Variants in ERMARD observed in about 807,000 individuals in gnomAD.
The protein encoded by ERMARD is ER membrane associated RNA degradation, also known as endoplasmic reticulum membrane-associated RNA degradation protein.
ERMARD carries 71 observed loss-of-function variants against 83.9 expected under a neutral mutation model. The observed-to-expected ratio is 0.85, with a 90% confidence interval of 0.70 to 1.03. ERMARD has a LOEUF of 1.03. Among genes scored for constraint, ERMARD ranks in the 50% least tolerant of loss-of-function variants. The probability of loss-of-function intolerance (pLI) is 0.00; values close to 1 mark genes in which losing one functional copy is unlikely to be tolerated. For synonymous variants in ERMARD, 284 were observed against 298.6 expected, an observed-to-expected ratio of 0.95 and a Z score of 0.50; for missense variants, 838 against 810.9, an observed-to-expected ratio of 1.03 and a Z score of -0.41.
upstream of ERMARD, chr6:169,751,330 C>T: frequency 6.2e-7 from 1 of 1,613,120 alleles, no homozygotes; most frequent in South Asian, 1.1e-5. Context: ...TAGCAGTCTC[C>T]GCACTCACTG....
At chr6:169,754,103 C>T in intron 2 of ERMARD, 71 bp downstream of exon 2, 1 of 1,419,682 alleles carries the variant, frequency 7.0e-7, no homozygotes, top group Non-Finnish European at 9.5e-7. Flanking sequence ...GTAAAATTCC[C>T]CTTTCTGACC....
chr6:169,764,446 T>C (rs570630314), intron 9 of ERMARD, among the ~76,000 whole-genome samples: 24 of 152,014 alleles, frequency 1.6e-4, no homozygotes, highest in South Asian at 4.2e-4. Flanking sequence ...ACATTTTTTT[T>C]TTCCTTGTAG....
Position 169,776,503 on chromosome 6 carries a change from G to C in ERMARD, c.1569G>C (p.Leu523=), listed in dbSNP as rs762048103. Reference sequence around the variant, plus strand: ...TCTGCAGCACACCTGTTCCCACCCTGTTCTGCCCCAGGATTGTGCTGGAAG... The same window carrying C: ...TCTGCAGCACACCTGTTCCCACCCTCTTCTGCCCCAGGATTGTGCTGGAAG... ...RELCSTPVPT[L]FCPRIVLEVL... is the part of the protein sequence containing the mutation. Residue 523 remains leucine (L), a synonymous_variant, in exon 16 of 18, where the codon CTG becomes CTC. Coordinates refer to ENST00000366773, the MANE Select transcript of ERMARD (RefSeq NM_018341.3). The C allele has an allele frequency of 1.2e-6, 2 of 1,614,152 alleles. No homozygotes were observed. Among genetic ancestry groups the C allele is most frequent in the Non-Finnish European group, 1.7e-6 (2 of 1,180,028 alleles).
chr6:169,751,349 T>C (rs757968829), upstream of ERMARD: 7 of 1,613,950 alleles, frequency 4.3e-6, no homozygotes, highest in South Asian at 7.7e-5. Context: ...TGCCTCCTTC[T>C]CGAACATGCT....
chr6:169,769,342 G>T (rs1792605259), intron 11 of ERMARD, among the ~76,000 whole-genome samples, 198 bp from the exon 12 acceptor site: 1 of 152,184 alleles, frequency 6.6e-6, no homozygotes, highest in South Asian at 2.1e-4. Flanking sequence ...TACCACCTGG[G>T]CAGCTCTGCT....
At position 169,764,557 on chromosome 6, in the gene ERMARD, C is replaced by A. The variant is rs1229418408; in HGVS notation, c.960+2026C>A. Among the ~76,000 whole-genome samples the A allele has an allele frequency of 3.9e-5, 6 of 152,258 alleles. No homozygotes were observed. In the East Asian group the frequency reaches 9.7e-4, roughly 24 times the overall value. On this transcript the variant is annotated intron_variant, in intron 9 of 17. Transcript: ENST00000366773. ...AAAGTTTTGGGATTGCAGGTGTGAG[C>A]CACCATACGTGGCCCCACTGATTAT...
chr6:169,763,768 AC>A (rs1403799182), intron 9 of ERMARD, among the ~76,000 whole-genome samples: 4 of 152,240 alleles, frequency 2.6e-5, no homozygotes, highest in African/African-American at 9.6e-5. Context: ...ATTAGAAAAT[AC>A]TTTGAACCCA....
chr6:169,779,374 G>A (rs538631018), intron 17 of ERMARD, 79 bp downstream of exon 17: 9 of 1,252,980 alleles, frequency 7.2e-6, no homozygotes, highest in Non-Finnish European at 1.1e-5. Context: ...GTGAGATTGG[G>A]GCAGTGTGAG....
chr6:169,760,519 C>T (rs997938621), intron 7 of ERMARD, 123 bp from the exon 8 acceptor site: 14 of 673,044 alleles, frequency 2.1e-5, no homozygotes, highest in Non-Finnish European at 3.3e-5. Flanking sequence ...AAGTCCCCTG[C>T]TGCAGGGGTC....
rs777678500 is a variant in ERMARD, at chr6:169,759,924, A to G, written c.692A>G (p.His231Arg). 8.7e-6 allele frequency: 14 copies of G among 1,614,208 alleles called. No homozygotes were observed. The highest frequency in any genetic ancestry group is 1.3e-5 in the African/African-American group (1 of 75,048). ...YLQNTKLTLA[H>R]RSFISLTNLE... Reference sequence around the variant, plus strand: ...CAAAACACTAAACTTACATTGGCACATCGCTCTTTCATATCTCTTACAAAC... The same window carrying G: ...CAAAACACTAAACTTACATTGGCACGTCGCTCTTTCATATCTCTTACAAAC... Residue 231 changes from histidine (H) to arginine (R), a missense_variant, in exon 7 of 18, where the codon CAT becomes CGT. Transcript: ENST00000366773.
chr6:169,766,724 A>C, intron 10 of ERMARD, 57 bp downstream of exon 10: 2 of 1,493,350 alleles, frequency 1.3e-6, no homozygotes, highest in Non-Finnish European at 1.8e-6. Flanking sequence ...TCTTCTTTTA[A>C]AATACAAATT....
At chr6:169,765,907 ACT>A in intron 9 of ERMARD, among the ~76,000 whole-genome samples, 2 of 103,384 alleles carry the variant, frequency 1.9e-5, no homozygotes, top group Admixed American at 8.9e-5. Context: ...GTCAAATCTC[ACT>A]GAAGTGATTT....
intron 14 of ERMARD, 179 bp from the exon 15 acceptor site, chr6:169,775,759 GGC>G: frequency 1.3e-6 from 1 of 756,356 alleles, no homozygotes; most frequent in Non-Finnish European, 2.1e-6. Context: ...CTTTGCTCTT[GGC>G]ATATGGCATC....
intron 9 of ERMARD, among the ~76,000 whole-genome samples, chr6:169,762,835 G>A (rs552586966): frequency 1.1e-4 from 17 of 152,276 alleles, no homozygotes; most frequent in South Asian, 2.1e-4. Flanking sequence ...AGATGGCTGC[G>A]GTCTAGCCGG....
chr6:169,777,701 G>A (rs1793754265), intron 16 of ERMARD, among the ~76,000 whole-genome samples: 2 of 152,176 alleles, frequency 1.3e-5, no homozygotes, highest in Admixed American at 6.5e-5. Flanking sequence ...GTGAGGCAGT[G>A]AGTGATGGCA....
chr6:169,757,102 C>T (rs55829984), intron 5 of ERMARD, among the ~76,000 whole-genome samples: 2,565 of 152,306 alleles, frequency 0.017, 43 homozygotes, highest in Non-Finnish European at 0.024. Context: ...ATTCAGCTGT[C>T]TCCCCCTGCG....
intron 1 of ERMARD, chr6:169,752,016 G>A: frequency 2.8e-6 from 1 of 351,022 alleles, no homozygotes; most frequent in Non-Finnish European, 5.1e-6. Flanking sequence ...CTCGTTCCTA[G>A]AAGCGCAGTT....
chr6:169,751,487 C>CCT (rs200920810), upstream of ERMARD: 30,446 of 1,612,058 alleles, frequency 0.019, 400 homozygotes, highest in South Asian at 0.04. Context: ...ACGCCCACCG[C>CCT]CTCCCCTTCA....
chr6:169,773,241 T>TA, intron 12 of ERMARD, 78 bp from the exon 13 acceptor site: 1 of 1,165,452 alleles, frequency 8.6e-7, no homozygotes, highest in Admixed American at 2.1e-5. Context: ...ATGGGGACTC[T>TA]AAGTGGCCTA....
Sources: gnomAD v4.1 joint callset for allele counts (sites outside exome capture counted in the v4.1 genomes callset) on GRCh38, gnomAD v4.1.1 for gene constraint, MANE v1.5 for transcripts, NCBI Gene and HGNC (gene_info 2026-07-23, HGNC 2026-07-21) for gene names.